ABCA2: variants seen among roughly 807,000 people sequenced by gnomAD.
The protein encoded by ABCA2 is ATP-binding cassette sub-family A member 2.
A neutral mutation model predicts 262.8 loss-of-function variants in ABCA2; 84 were observed. The ratio of observed to expected loss-of-function variants is 0.32; its 90% confidence interval spans 0.27 to 0.38. The LOEUF is 0.38. Among genes scored for constraint, ABCA2 ranks in the 10% least tolerant of loss-of-function variants. The pLI, the probability that ABCA2 is intolerant of heterozygous loss-of-function variation, is 1.00. For missense variants in ABCA2, 2,662 were observed against 3,405.9 expected, an observed-to-expected ratio of 0.78 and a Z score of 5.44; for synonymous variants, 1,696 against 1,502.9, an observed-to-expected ratio of 1.13 and a Z score of -2.97.
In ABCA2 at chr9:137,016,636, C is replaced by T. The variant is rs762702619; in HGVS notation, c.2861G>A (p.Arg954His). The T allele has an allele frequency of 9.9e-6, 16 of 1,610,068 alleles. No homozygotes were observed. Among genetic ancestry groups the T allele is most frequent in the African/African-American group, 2.7e-5 (2 of 75,006 alleles). The change falls in exon 20 of 49, where the codon CGC becomes CAC. Residue 954 changes from arginine (R) to histidine (H), a missense_variant. Physicochemically the swap from Arg to His is conservative, Grantham distance 29 (BLOSUM62 0). Coordinates refer to ENST00000341511, the MANE Select transcript of ABCA2 (RefSeq NM_001606.5). ...EAWEWSWPWARTPRLSVMEED... is the reference protein window; with the variant it reads ...EAWEWSWPWAHTPRLSVMEED... ...CTCCATGACACTGAGGCGGGGGGTG[C>T]GTGCCCACGGCCAGCTCCACTCCCA...
intron 21 of ABCA2, 22 bp downstream of exon 21, chr9:137,016,269 G>A (rs780750572): frequency 1.6e-5 from 25 of 1,611,634 alleles, no homozygotes; most frequent in Admixed American, 1.2e-4. Context: ...GATGCCCACC[G>A]CCCTGCCCCT....
At chr9:137,008,900 G>GCCCCCCCCCCCCCCGAGCCCCC in intron 46 of ABCA2, 32 bp from the exon 47 acceptor site, 3 of 1,555,230 alleles carry the variant, frequency 1.9e-6, no homozygotes, top group South Asian at 1.1e-5. Flanking sequence ...GCCTGGCAGC[G>GCCCCCCCCCCCCCCGAGCCCCC]CCCCCCCACC....
In ABCA2 at chr9:137,015,539, C is replaced by T; in HGVS notation, c.3572G>A (p.Arg1191His). ...CTTCCCATGGGAGATGATGGCAATG[C>T]GGTCCCCAAGCAGGTCAGCCTCATC... ...HMDEADLLGD[R>H]IAIISHGKLK... The change falls in exon 24 of 49, where the codon CGC (arginine) becomes CAC (histidine). Residue 1191 changes from arginine (R) to histidine (H), a missense_variant. By Grantham distance (29) the Arg-to-His change is conservative (BLOSUM62 0). This residue lies in a region of ABCA2 where 180 missense variants were observed against 307.3 expected (regional missense o/e 0.59). Coordinates refer to ENST00000341511, the MANE Select transcript of ABCA2 (RefSeq NM_001606.5). The T allele has an allele frequency of 2.5e-6, 4 of 1,612,476 alleles. No individual in the cohort carries two copies. The highest frequency in any genetic ancestry group is 3.4e-6 in the Non-Finnish European group (4 of 1,179,790).
chr9:137,009,173 C>T (rs1588505293), intron 45 of ABCA2, 120 bp from the exon 46 acceptor site: 1 of 1,100,770 alleles, frequency 9.1e-7, no homozygotes, highest in East Asian at 2.6e-5. Context: ...CTCCCACAGC[C>T]CCCCAACCCC....
At chr9:137,023,586 G>T in intron 3 of ABCA2, 1 of 744,520 alleles carries the variant, frequency 1.3e-6, no homozygotes, top group Non-Finnish European at 2.5e-6. Flanking sequence ...AGAAGGCAAG[G>T]CCAGGCAGAG....
Position 137,022,718 on chromosome 9 carries a change from G to A in ABCA2, c.423C>T (p.His141=). 6.2e-7 allele frequency: 1 copy of A among 1,606,024 alleles called. No individual in the cohort carries two copies. The highest frequency in any genetic ancestry group is 1.3e-5 in the African/African-American group (1 of 74,950). The change falls in exon 5 of 49, where the codon CAC becomes CAT. Residue 141 remains histidine (H), a synonymous_variant. Coordinates refer to ENST00000341511, the MANE Select transcript of ABCA2 (RefSeq NM_001606.5). ...AGGGCACACCTGTGGATCTGTCCAG[G>A]TGGCTCCCCGAGGTGCCCGGGCCCG... ...LSAGPGTSGS[H]LDRSTVSSFS... is the part of the protein sequence containing the mutation.
At chr9:137,009,679 C>T (rs780870104) in intron 43 of ABCA2, 35 bp from the exon 44 acceptor site, 37 of 1,612,182 alleles carry the variant, frequency 2.3e-5, no homozygotes, top group Admixed American at 6.7e-5. Flanking sequence ...TGCTGCCAGG[C>T]CCACACACCC....
chr9:137,008,078 G>T, intron 48 of ABCA2, 114 bp from the exon 49 acceptor site: 1 of 1,316,432 alleles, frequency 7.6e-7, no homozygotes, highest in Non-Finnish European at 1.0e-6. Flanking sequence ...TGGACGCAGG[G>T]TCTCCCCACG....
In ABCA2 at chr9:137,026,799, GCATGCCA is replaced by G. The variant is rs947092660; in HGVS notation, c.66+1269_66+1275del. Among the ~76,000 whole-genome samples, 6 of 152,346 alleles carry G rather than the reference GCATGCCA, an allele frequency of 3.9e-5. No homozygotes were observed. The South Asian group carries it at 1.0e-3, about 26-fold the overall frequency. Reference sequence around the variant, plus strand: ...ACCACCCCCGGGGACTAATACTAATGCATGCCACATGCCACATCCCTGTTCCCTTGGC... The same window carrying G: ...ACCACCCCCGGGGACTAATACTAATGCATGCCACATCCCTGTTCCCTTGGC... On this transcript the variant is annotated intron_variant, in intron 1 of 48. Coordinates refer to ENST00000341511, the MANE Select transcript of ABCA2 (RefSeq NM_001606.5).
rs1831359882 is a variant in ABCA2 at position 137,018,971 on chromosome 9, T to G, written c.1654A>C (p.Met552Leu). 6.2e-7 allele frequency: 1 copy of G among 1,612,990 alleles called. No homozygotes were observed. The highest frequency in any genetic ancestry group is 1.7e-5 in the Admixed American group (1 of 60,010). The change falls in exon 12 of 49, where the codon ATG becomes CTG. Residue 552 changes from methionine to leucine, a missense_variant. Met to Leu is a conservative substitution (Grantham distance 15, BLOSUM62 2). This residue lies in a region of ABCA2 where 187 missense variants were observed against 205.9 expected (regional missense o/e 0.91). Transcript: ENST00000341511. ...RQDNFSLPSG[M>L]ALLQQLDTID... ...GTATCCAGCTGCTGCAGGAGGGCCA[T>G]GCCACTGGGCAGCGAGAAGTTGTCC... is the stretch of plus-strand genomic sequence containing the variant.
At position 137,013,819 on chromosome 9, in the gene ABCA2, G is replaced by C; in HGVS notation, c.4447+13C>G. The stretch of plus-strand genomic sequence containing the variant: ...GAGGCAAGCCCAGCACCCCTGTCCA[G>C]CCGGTGGCCTACCAATCTCCGGGAC... On this transcript the variant is annotated intron_variant, in intron 28 of 48. Coordinates refer to ENST00000341511, the MANE Select transcript of ABCA2 (RefSeq NM_001606.5). 6.3e-7 allele frequency: 1 copy of C among 1,594,198 alleles called. No homozygotes were observed. The highest frequency in any genetic ancestry group is 8.5e-7 in the Non-Finnish European group (1 of 1,171,338).
rs940207722 is a variant in ABCA2, at chr9:137,007,741, G to A, written c.*188C>T. 106 of 767,440 alleles carry A rather than the reference G, an allele frequency of 1.4e-4. No individual in the cohort carries two copies. Among genetic ancestry groups the A allele is most frequent in the Middle Eastern group, 3.7e-4 (1 of 2,678 alleles). The allele number at this position is 767,440 out of a possible 1,614,324, so 47.5% of individuals were successfully genotyped here. A position where few individuals can be genotyped will look rare whatever the true frequency, so the allele number is the denominator to read the frequency against. ...GCCGGGTCAGCCTTTGGCACAATTAGGGGCGGCAACCGCAGTGACCACAGG... is the reference window on the plus strand; with the variant it reads ...GCCGGGTCAGCCTTTGGCACAATTAAGGGCGGCAACCGCAGTGACCACAGG... On this transcript the variant is annotated 3_prime_UTR_variant, in exon 49 of 49. Transcript: ENST00000341511.
In ABCA2 at chr9:137,014,301, C is replaced by G. The variant is rs780365730; in HGVS notation, c.4107G>C (p.Ser1369=). ...NLARCSELTQ[S]QASLQSASSV... is the part of the protein sequence containing the mutation. The stretch of plus-strand genomic sequence containing the variant: ...ATGACGCCGACTGCAGCGATGCCTG[C>G]GACTGGGTCAGCTCCGAGCACCGGG... Residue 1369 remains serine, a synonymous_variant, in exon 27 of 49, where the codon TCG becomes TCC. Coordinates refer to ENST00000341511, the MANE Select transcript of ABCA2 (RefSeq NM_001606.5). 1 of 1,610,834 alleles carries G rather than the reference C, an allele frequency of 6.2e-7. No individual in the cohort carries two copies. Among genetic ancestry groups the G allele is most frequent in the Non-Finnish European group, 8.5e-7 (1 of 1,179,212 alleles).
At chr9:137,010,835 G>A in intron 39 of ABCA2, 98 bp from the exon 40 acceptor site, 1 of 1,453,864 alleles carries the variant, frequency 6.9e-7, no homozygotes, top group Non-Finnish European at 9.5e-7. Context: ...TGTAAGAAGG[G>A]TGGGCAGGCC....
At chr9:137,010,887 G>GGCCCC in intron 39 of ABCA2, 86 bp downstream of exon 39, 1 of 497,018 alleles carries the variant, frequency 2.0e-6, no homozygotes, top group Non-Finnish European at 3.2e-6. Context: ...CCCCATCCCT[G>GGCCCC]CCCCCACCCC....
Position 137,018,806 on chromosome 9 carries a change from C to T in ABCA2, c.1732G>A (p.Asp578Asn). 1 of 1,612,712 alleles carries T rather than the reference C, an allele frequency of 6.2e-7. No individual in the cohort carries two copies. Among genetic ancestry groups the T allele is most frequent in the Non-Finnish European group, 8.5e-7 (1 of 1,179,848 alleles). The change falls in exon 13 of 49, where the codon GAC becomes AAC. Residue 578 changes from aspartate to asparagine, a missense_variant. Physicochemically the swap from Asp to Asn is conservative, Grantham distance 23 (BLOSUM62 1). This residue lies in a region of ABCA2 where 187 missense variants were observed against 205.9 expected (regional missense o/e 0.91). Coordinates refer to ENST00000341511, the MANE Select transcript of ABCA2 (RefSeq NM_001606.5). ...WIQFMSKVSVDIFKGFPDEES... is the reference protein window; with the variant it reads ...WIQFMSKVSVNIFKGFPDEES... ...TCGTCGGGGAAGCCCTTGAAGATGTCCACGCTCACCTAGCGGGAGGGGCAT... is the reference window on the plus strand; with the variant it reads ...TCGTCGGGGAAGCCCTTGAAGATGTTCACGCTCACCTAGCGGGAGGGGCAT...
Position 137,022,438 on chromosome 9 carries a change from C to T in ABCA2, c.480G>A (p.Gln160=). Residue 160 remains glutamine, a synonymous_variant, in exon 6 of 49, where the codon CAG becomes CAA. Transcript: ENST00000341511. ...TTTGCGTCAGGAAACGCCAGAGCTC[C>T]TGCGGGTTTCTGGCCACCGAGTCCA... The part of the protein sequence containing the change: ...FSLDSVARNP[Q]ELWRFLTQNL... The T allele has an allele frequency of 6.2e-7, 1 of 1,611,928 alleles. No homozygotes were observed. The highest frequency in any genetic ancestry group is 1.1e-5 in the South Asian group (1 of 90,732).
Position 137,012,895 on chromosome 9 carries a change from C to A in ABCA2, c.4898G>T (p.Arg1633Leu). 1.3e-6 allele frequency: 2 copies of A among 1,558,762 alleles called. No homozygotes were observed. The highest frequency in any genetic ancestry group is 1.7e-6 in the Non-Finnish European group (2 of 1,150,750). ...EMWTSAPSLPRLVREPVRCTC... is the reference protein window; with the variant it reads ...EMWTSAPSLPLLVREPVRCTC... The stretch of plus-strand genomic sequence containing the variant: ...GCAGCGGACGGGCTCCCGTACCAGG[C>A]GCGGCAGGGAGGGTGCCGACGTCCA... The change falls in exon 31 of 49, where the codon CGC (arginine) becomes CTC (leucine). Residue 1633 changes from arginine to leucine, a missense_variant. Arg to Leu is a moderately radical substitution (Grantham distance 102, BLOSUM62 -2). Coordinates refer to ENST00000341511, the MANE Select transcript of ABCA2 (RefSeq NM_001606.5).
intron 6 of ABCA2, 137 bp from the exon 7 acceptor site, chr9:137,022,138 A>G (rs1831484831): frequency 2.8e-5 from 5 of 179,724 alleles, no homozygotes; most frequent in South Asian, 1.6e-4. Flanking sequence ...CGTGGCTCAG[A>G]TGGTGGGGGC....
Sources: allele counts gnomAD v4.1 joint callset (sites outside exome capture counted in the v4.1 genomes callset), GRCh38; gene constraint gnomAD v4.1.1; regional missense constraint gnomAD v4.1.1; transcripts MANE v1.5; gene names NCBI Gene and HGNC (gene_info 2026-07-23, HGNC 2026-07-21).